PLCL2: variants seen among roughly 807,000 people sequenced by gnomAD.
PLCL2 encodes inactive phospholipase C-like protein 2.
A neutral mutation model predicts 79.6 loss-of-function variants in PLCL2; 4 were observed. The ratio of observed to expected loss-of-function variants is 0.05; its 90% CI spans 0.02 to 0.11. The LOEUF (loss-of-function observed/expected upper bound fraction) is 0.11. Ranked by LOEUF, PLCL2 falls within the 10% of genes least tolerant of loss-of-function variation. The probability of loss-of-function intolerance (pLI) is 1.00; values close to 1 mark genes in which losing one functional copy is unlikely to be tolerated. For synonymous variants in PLCL2, 484 were observed against 457.7 expected (o/e 1.06, Z -0.73); for missense variants, 895 against 1,291.0 (o/e 0.69, Z 4.70).
In PLCL2 at chr3:16,940,655, A is replaced by G. The variant is rs533796650; in HGVS notation, c.327+55289A>G. On this transcript the variant is annotated intron_variant, in intron 1 of 5. Transcript: ENST00000615277. Reference sequence around the variant, plus strand: ...AAATAAGAGTTGGAAAAATTAAAATAAAATAAAATAAAATAAGTCTTGGCA... The same window carrying G: ...AAATAAGAGTTGGAAAAATTAAAATGAAATAAAATAAAATAAGTCTTGGCA... Among the ~76,000 whole-genome samples the G allele has an allele frequency of 7.7e-4, 118 of 152,302 alleles. 1 individual carries two copies. Among genetic ancestry groups the G allele is most frequent in the Non-Finnish European group, 1.1e-3 (74 of 68,022 alleles).
At chr3:17,060,447 G>A (rs1018407087) in intron 4 of PLCL2, among the ~76,000 whole-genome samples, 3 of 152,166 alleles carry the variant, frequency 2.0e-5, no homozygotes, top group Admixed American at 2.0e-4. Flanking sequence ...TGAAGGCCAA[G>A]AAAAGGAGGC....
chr3:16,997,789 C>G (rs1010645585), intron 1 of PLCL2, among the ~76,000 whole-genome samples: 1 of 152,064 alleles, frequency 6.6e-6, no homozygotes, highest in Non-Finnish European at 1.5e-5. Flanking sequence ...CCACCTGCCT[C>G]GGCCTCCCAA....
intron 1 of PLCL2, among the ~76,000 whole-genome samples, chr3:16,917,093 C>T (rs921725031): frequency 3.3e-5 from 5 of 152,154 alleles, no homozygotes; most frequent in Admixed American, 2.6e-4. Flanking sequence ...GGTACTTAGC[C>T]CCTTTCTGTC....
intron 1 of PLCL2, among the ~76,000 whole-genome samples, chr3:16,913,138 A>G (rs550036739): frequency 6.6e-6 from 1 of 152,208 alleles, no homozygotes; most frequent in African/African-American, 2.4e-5. Flanking sequence ...CCTCCCATGT[A>G]TCATCAGTAC....
At chr3:17,088,368 A>G (rs2065241566) in intron 5 of PLCL2, among the ~76,000 whole-genome samples, 1 of 152,202 alleles carries the variant, frequency 6.6e-6, no homozygotes, top group South Asian at 2.1e-4. Flanking sequence ...TAGGACAAAG[A>G]AAAGTCAAAC....
At chr3:16,975,694 C>T (rs2063918756) in intron 1 of PLCL2, among the ~76,000 whole-genome samples, 1 of 151,982 alleles carries the variant, frequency 6.6e-6, no homozygotes, top group African/African-American at 2.4e-5. Flanking sequence ...GGAGGTGTGC[C>T]CTTAGCTGAA....
intron 4 of PLCL2, among the ~76,000 whole-genome samples, chr3:17,043,707 G>GA (rs928744403): frequency 3.0e-4 from 44 of 146,182 alleles, no homozygotes; most frequent in African/African-American, 6.3e-4. Flanking sequence ...TGCCTACCCT[G>GA]AAAAAAAAAA....
chr3:16,971,175 C>G (rs2063862550), intron 1 of PLCL2, among the ~76,000 whole-genome samples: 1 of 151,370 alleles, frequency 6.6e-6, no homozygotes, highest in Admixed American at 6.6e-5. Flanking sequence ...AGGTTTTCTT[C>G]TAGGGTTTTT....
At chr3:16,988,775 C>A (rs1041050713) in intron 1 of PLCL2, among the ~76,000 whole-genome samples, 5 of 152,010 alleles carry the variant, frequency 3.3e-5, no homozygotes, top group Non-Finnish European at 7.4e-5. Context: ...AGCCTTTAAA[C>A]TTTCAAGCAA....
At chr3:17,076,243 G>A (rs531683004) in intron 5 of PLCL2, among the ~76,000 whole-genome samples, 4 of 152,034 alleles carry the variant, frequency 2.6e-5, no homozygotes, top group Non-Finnish European at 5.9e-5. Context: ...GTGTACGTGA[G>A]TTTTAAAAAA....
At chr3:17,022,089 AT>A (rs1295474736) in intron 3 of PLCL2, among the ~76,000 whole-genome samples, 1 of 151,792 alleles carries the variant, frequency 6.6e-6, no homozygotes, top group East Asian at 1.9e-4. Flanking sequence ...TGTTTAGAGC[AT>A]TTTTATTGTT....
At chr3:16,995,268 G>T (rs1240241624) in intron 1 of PLCL2, among the ~76,000 whole-genome samples, 1 of 152,256 alleles carries the variant, frequency 6.6e-6, no homozygotes, top group African/African-American at 2.4e-5. Flanking sequence ...ATAAGCTGGT[G>T]ATTCTTAGTG....
At chr3:16,917,523 G>T (rs567397929) in intron 1 of PLCL2, among the ~76,000 whole-genome samples, 6 of 152,244 alleles carry the variant, frequency 3.9e-5, no homozygotes, top group Admixed American at 3.9e-4. Flanking sequence ...AAGCTGGAGG[G>T]TTCACTTCCA....
chr3:17,086,165 G>A (rs1178519722), intron 5 of PLCL2, among the ~76,000 whole-genome samples: 1 of 152,124 alleles, frequency 6.6e-6, no homozygotes, highest in Non-Finnish European at 1.5e-5. Flanking sequence ...TAAAATCAGA[G>A]GACAGACTTT....
intron 1 of PLCL2, among the ~76,000 whole-genome samples, chr3:16,947,479 C>T (rs934889082): frequency 6.6e-6 from 1 of 152,202 alleles, no homozygotes; most frequent in African/African-American, 2.4e-5. Context: ...AAAGGCCCAT[C>T]TGCAAAGCCT....
At chr3:16,936,421 G>A (rs1697540577) in intron 1 of PLCL2, among the ~76,000 whole-genome samples, 1 of 152,144 alleles carries the variant, frequency 6.6e-6, no homozygotes. Flanking sequence ...CAAGAGTGAG[G>A]TGGAGTTTGG....
At position 16,973,216 on chromosome 3, in the gene PLCL2, A is replaced by T. The variant is rs552916897; in HGVS notation, c.328-36458A>T. Among the ~76,000 whole-genome samples, 4 of 152,242 alleles carry T rather than the reference A, an allele frequency of 2.6e-5. No homozygotes were observed. In the East Asian group the frequency reaches 7.7e-4, roughly 29 times the overall value. On this transcript the variant is annotated intron_variant, in intron 1 of 5. Transcript: ENST00000615277. Reference sequence around the variant, plus strand: ...CTTAACATTTGTCTGTCTGAAAATGATCTTATTTCTCCCTTGCTTATGAAG... The same window carrying T: ...CTTAACATTTGTCTGTCTGAAAATGTTCTTATTTCTCCCTTGCTTATGAAG...
chr3:16,931,153 A>AT lies in PLCL2; in HGVS notation c.327+45790dup, dbSNP rs1255021774. Among the ~76,000 whole-genome samples, 44 of 141,170 alleles carry AT rather than the reference A, an allele frequency of 3.1e-4. 1 individual carries two copies. The South Asian group carries it at 9.1e-3, about 29-fold the overall frequency. 92.6% of individuals were successfully genotyped at this position (141,170 alleles called of 152,430 possible). A position where few individuals can be genotyped will look rare whatever the true frequency, so the allele number is the denominator to read the frequency against. The stretch of plus-strand genomic sequence containing the variant: ...CATTCACTTCTTCCTCTGGATTGCC[A>AT]TTTATTTTTTTTTTTAACTCTAATG... On this transcript the variant is annotated intron_variant, in intron 1 of 5. Coordinates refer to ENST00000615277, the MANE Select transcript of PLCL2 (RefSeq NM_001144382.2).
chr3:16,906,146 G>C (rs897452720), intron 1 of PLCL2, among the ~76,000 whole-genome samples: 1 of 152,064 alleles, frequency 6.6e-6, no homozygotes, highest in African/African-American at 2.4e-5. Context: ...TTTTATCTGA[G>C]CTAAAGGTCC....
Sources: gnomAD v4.1 joint callset for allele counts (sites outside exome capture counted in the v4.1 genomes callset) on GRCh38, gnomAD v4.1.1 for gene constraint, MANE v1.5 for transcripts, NCBI Gene and HGNC (gene_info 2026-07-23, HGNC 2026-07-21) for gene names.